The following SLC35F5 variants were observed in gnomAD, a reference collection of about 807,000 sequenced individuals.
SLC35F5 encodes solute carrier family 35 member F5, also known as HCV NS5A-transactivated protein 3.
A neutral mutation model predicts 68.6 loss-of-function variants in SLC35F5; 54 were observed. That is an observed-to-expected ratio of 0.79 (90% confidence interval 0.63 to 0.99). The LOEUF (loss-of-function observed/expected upper bound fraction) is 0.99. SLC35F5 is among the 50% of genes least tolerant of loss of function. The pLI is 0.00. For missense variants in SLC35F5, 567 were observed against 626.9 expected, an observed-to-expected ratio of 0.90 and a Z score of 1.02; for synonymous variants, 211 against 205.2, an observed-to-expected ratio of 1.03 and a Z score of -0.24.
At chr2:113,752,462 G>C (rs901529777) in intron 3 of SLC35F5, among the ~76,000 whole-genome samples, 8 of 152,168 alleles carry the variant, frequency 5.3e-5, no homozygotes, top group Admixed American at 5.2e-4. Flanking sequence ...ATGCTGGAAT[G>C]TTACAGGAAG....
chr2:113,731,131 A>G (rs1435817614), intron 10 of SLC35F5, among the ~76,000 whole-genome samples: 1 of 152,184 alleles, frequency 6.6e-6, no homozygotes, highest in African/African-American at 2.4e-5. Flanking sequence ...CAAATTGAGG[A>G]ACATTCTACA....
In SLC35F5 at chr2:113,744,063, A is replaced by C. The variant is rs149694601; in HGVS notation, c.481-269T>G. Among the ~76,000 whole-genome samples the C allele has an allele frequency of 2.6e-5, 4 of 152,352 alleles. No individual in the cohort carries two copies. In the East Asian group the frequency reaches 7.7e-4, roughly 29 times the overall value. On this transcript the variant is annotated intron_variant, in intron 5 of 15. Transcript: ENST00000245680. ...TAATATTTAAATGTCATAAAAACAT[A>C]TCTCTTTCTTAGCTAACAGATTCCA...
chr2:113,755,058 G>C, intron 3 of SLC35F5, 107 bp downstream of exon 3: 2 of 1,138,224 alleles, frequency 1.8e-6, no homozygotes, highest in South Asian at 3.4e-5. Flanking sequence ...TAGTATTTAA[G>C]ATACTGCTTT....
At chr2:113,722,843 T>C (rs1413068316) in intron 13 of SLC35F5, among the ~76,000 whole-genome samples, 1 of 152,196 alleles carries the variant, frequency 6.6e-6, no homozygotes, top group Non-Finnish European at 1.5e-5. Context: ...TGGAACAGAA[T>C]CAGCTCAAAA....
chr2:113,703,900 C>G (rs529624713), downstream of SLC35F5: 7 of 152,528 alleles, frequency 4.6e-5, no homozygotes, highest in Non-Finnish European at 7.3e-5. Flanking sequence ...CTCGGTCTCA[C>G]TGACTTCCAG....
chr2:113,755,902 T>C, intron 1 of SLC35F5: 1 of 1,550,628 alleles, frequency 6.4e-7, no homozygotes, highest in South Asian at 1.2e-5. Context: ...CTAGACACTG[T>C]TTCTAAAAGT....
At chr2:113,703,116 AT>A (rs140842396), downstream of SLC35F5, among the ~76,000 whole-genome samples, 37,156 of 151,820 alleles carry the variant, frequency 0.24, 4,913 homozygotes, top group Middle Eastern at 0.49. Context: ...TCTCAAAAAA[AT>A]AAATAAATAA....
At chr2:113,725,667 T>C in intron 11 of SLC35F5, 130 bp from the exon 12 acceptor site, 1 of 802,562 alleles carries the variant, frequency 1.2e-6, no homozygotes, top group Non-Finnish European at 1.9e-6. Context: ...AAACTTCTGT[T>C]GGTTTGTTTT....
rs1240537246 is a variant in SLC35F5 at position 113,714,131 on chromosome 2, G to A, written c.*1087C>T. On this transcript the variant is annotated 3_prime_UTR_variant, in exon 16 of 16. Coordinates refer to ENST00000245680, the MANE Select transcript of SLC35F5 (RefSeq NM_025181.5). ...GCCTAAGTTTAAGAATTGCAATTAG[G>A]AGTATTTTACATTTAATTTATAATC... is the stretch of plus-strand genomic sequence containing the variant. 1 of 152,092 alleles carries A rather than the reference G, an allele frequency of 6.6e-6. No homozygotes were observed. Among genetic ancestry groups the A allele is most frequent in the Non-Finnish European group, 1.5e-5 (1 of 67,982 alleles). The allele number at this position is 152,092 out of a possible 1,614,324, so 9.4% of individuals were successfully genotyped here.
At chr2:113,737,219 T>C (rs1345033008) in intron 7 of SLC35F5, among the ~76,000 whole-genome samples, 1 of 152,184 alleles carries the variant, frequency 6.6e-6, no homozygotes, top group African/African-American at 2.4e-5. Context: ...AGTATTTACA[T>C]TGCAAAGAAG....
intron 11 of SLC35F5, 144 bp downstream of exon 11, chr2:113,729,257 G>A (rs956916389): frequency 1.9e-6 from 1 of 538,468 alleles, no homozygotes; most frequent in Non-Finnish European, 3.3e-6. Context: ...AAAACATTGG[G>A]ACTGGCCTTC....
At chr2:113,746,895 C>T (rs185371322) in intron 4 of SLC35F5, among the ~76,000 whole-genome samples, 2 of 150,576 alleles carry the variant, frequency 1.3e-5, no homozygotes, top group Non-Finnish European at 2.9e-5. Flanking sequence ...CCATTGCACT[C>T]CAGCCTGGGC....
intron 11 of SLC35F5, among the ~76,000 whole-genome samples, chr2:113,727,026 C>G (rs941704382): frequency 6.6e-6 from 1 of 152,164 alleles, no homozygotes; most frequent in Non-Finnish European, 1.5e-5. Context: ...GTAATCCCCA[C>G]GTGTCAGGGA....
chr2:113,735,911 G>A, intron 7 of SLC35F5, 53 bp from the exon 8 acceptor site: 1 of 1,105,854 alleles, frequency 9.0e-7, no homozygotes, highest in Non-Finnish European at 1.4e-6. Context: ...GTTTACATCT[G>A]TCATTACAAT....
downstream of SLC35F5, chr2:113,703,809 A>T (rs1227387614): frequency 6.6e-6 from 1 of 152,182 alleles, no homozygotes; most frequent in Non-Finnish European, 1.5e-5. Context: ...TTGGCCTACC[A>T]TTTGTGCAAA....
chr2:113,709,506 C>G lies in SLC35F5; in HGVS notation c.*5712G>C, dbSNP rs972439850. On this transcript the variant is annotated 3_prime_UTR_variant, in exon 16 of 16. Coordinates refer to ENST00000245680, the MANE Select transcript of SLC35F5 (RefSeq NM_025181.5). ...TCCAGGCACGCTGGGCCTGGTATTT[C>G]AATTAGAGTTTCTCATTCTCACAGT... Among the ~76,000 whole-genome samples the G allele has an allele frequency of 6.6e-6, 1 of 152,184 alleles. No homozygotes were observed. The highest frequency in any genetic ancestry group is 1.5e-5 in the Non-Finnish European group (1 of 68,018).
At chr2:113,727,379 A>G (rs1423396822) in intron 11 of SLC35F5, among the ~76,000 whole-genome samples, 2 of 152,222 alleles carry the variant, frequency 1.3e-5, no homozygotes, top group African/African-American at 4.8e-5. Flanking sequence ...AAAAGAACAC[A>G]TATACAGCAA....
In SLC35F5 at chr2:113,707,747, G is replaced by T. The variant is rs1241556850; in HGVS notation, c.*7471C>A. 6.6e-6 allele frequency among the ~76,000 whole-genome samples: 1 copy of T among 152,046 alleles called. No individual in the cohort carries two copies. Among genetic ancestry groups the T allele is most frequent in the Non-Finnish European group, 1.5e-5 (1 of 68,002 alleles). On this transcript the variant is annotated 3_prime_UTR_variant, in exon 16 of 16. Transcript: ENST00000245680. The stretch of plus-strand genomic sequence containing the variant: ...GCTAATTTTTTGTATTTTTAGTAGA[G>T]AAGGGGTTTCTCCATGTTGGTCACA...
At chr2:113,720,388 C>G (rs1180496036) in intron 13 of SLC35F5, among the ~76,000 whole-genome samples, 1 of 149,572 alleles carries the variant, frequency 6.7e-6, no homozygotes, top group Non-Finnish European at 1.5e-5. Context: ...AAAACATATA[C>G]TATTCCATTT....
Sources: gnomAD v4.1 joint callset for allele counts (sites outside exome capture counted in the v4.1 genomes callset) on GRCh38, gnomAD v4.1.1 for gene constraint, MANE v1.5 for transcripts, NCBI Gene and HGNC (gene_info 2026-07-23, HGNC 2026-07-21) for gene names.